The following ACAT1 variants were observed in gnomAD, a reference collection of about 807,000 sequenced individuals.
ACAT1 encodes the protein acetyl-CoA acetyltransferase 1.
Under a neutral mutation model 47.3 loss-of-function variants are expected in ACAT1, and 28 were observed. That is an observed-to-expected ratio of 0.59 (90% CI 0.44 to 0.81). The LOEUF (loss-of-function observed/expected upper bound fraction) is 0.81. Ranked by LOEUF, ACAT1 falls within the 30% of genes least tolerant of loss-of-function variation. The pLI is 0.00. For synonymous variants in ACAT1, 181 were observed against 173.6 expected, an observed-to-expected ratio of 1.04 and a Z score of -0.34; for missense variants, 469 against 524.3, an observed-to-expected ratio of 0.89 and a Z score of 1.03.
chr11:108,121,415 C>G (rs112600659), upstream of ACAT1: 2,921 of 659,658 alleles, frequency 4.4e-3, 47 homozygotes, highest in African/African-American at 0.04. Flanking sequence ...TCAACCTTTC[C>G]TGGCCCAGGC....
chr11:108,147,349 G>GGAGGAGGA lies in ACAT1; in HGVS notation c.1245_1252dup (p.Gly418GlufsTer9), dbSNP rs763847352. On this transcript the variant is annotated frameshift_variant, in exon 12 of 12. Transcript: ENST00000265838. LOFTEE classifies it high-confidence loss of function. ...ATACGGTCTTGCCAGTATTTGCAAT[G>GGAGGAGGA]GAGGAGGAGGTGCTTCTGCCATGCT... The GGAGGAGGA allele has an allele frequency of 6.2e-7, 1 of 1,613,934 alleles. No homozygotes were observed. Among genetic ancestry groups the GGAGGAGGA allele is most frequent in the Non-Finnish European group, 8.5e-7 (1 of 1,179,924 alleles).
chr11:108,122,062 T>A, intron 1 of ACAT1: 1 of 314,750 alleles, frequency 3.2e-6, no homozygotes, highest in Non-Finnish European at 5.9e-6. Flanking sequence ...TAAAACATAT[T>A]TGTGTGCGTT....
intron 1 of ACAT1, among the ~76,000 whole-genome samples, chr11:108,125,850 T>C (rs1298981205): frequency 3.3e-5 from 5 of 149,974 alleles, no homozygotes; most frequent in Non-Finnish European, 7.4e-5. Context: ...GGCGTGAACC[T>C]GGGAGGCGGA....
chr11:108,136,085 G>A, intron 5 of ACAT1: 1 of 700,350 alleles, frequency 1.4e-6, no homozygotes, highest in African/African-American at 1.8e-5. Context: ...GCAAGAGACA[G>A]GCTCCTTAGC....
At chr11:108,121,834 T>A in intron 1 of ACAT1, 156 bp downstream of exon 1, 1 of 755,454 alleles carries the variant, frequency 1.3e-6, no homozygotes, top group Non-Finnish European at 2.1e-6. Context: ...AAAAACCGCC[T>A]AAGTGCTCCG....
intron 7 of ACAT1, among the ~76,000 whole-genome samples, chr11:108,140,788 C>T (rs1168641450): frequency 2.0e-5 from 3 of 152,082 alleles, no homozygotes; most frequent in Non-Finnish European, 4.4e-5. Context: ...AATTCTATTC[C>T]AGGAATGATT....
rs1319217291 is a variant in ACAT1 at position 108,147,559 on chromosome 11, A to AAAAAT, written c.*173_*177dup. The AAAAAT allele has an allele frequency of 4.4e-6, 4 of 901,486 alleles. No homozygotes were observed. Among genetic ancestry groups the AAAAAT allele is most frequent in the Non-Finnish European group, 6.4e-6 (4 of 625,018 alleles). The allele number at this position is 901,486 out of a possible 1,614,324, so 55.8% of individuals were successfully genotyped here. On this transcript the variant is annotated 3_prime_UTR_variant, in exon 12 of 12. Coordinates refer to ENST00000265838, the MANE Select transcript of ACAT1 (RefSeq NM_000019.4). ...TGAAATCCCAAAACATTTTGAAATT[A>AAAAAT]AAAATAAATTTCTTCTTCTGCTTTT...
chr11:108,138,759 G>A, intron 5 of ACAT1, 139 bp from the exon 6 acceptor site: 2 of 955,352 alleles, frequency 2.1e-6, no homozygotes, highest in Non-Finnish European at 1.7e-6. Flanking sequence ...TGGTAAAGAG[G>A]GTACTTCCTG....
upstream of ACAT1, among the ~76,000 whole-genome samples, chr11:108,120,118 C>T (rs914500736): frequency 2.0e-5 from 3 of 152,006 alleles, no homozygotes; most frequent in African/African-American, 4.8e-5. Flanking sequence ...ACTCGTGAGG[C>T]TGAGGCGAAC....
chr11:108,119,006 A>G (rs1946534163), upstream of ACAT1, among the ~76,000 whole-genome samples: 1 of 152,206 alleles, frequency 6.6e-6, no homozygotes, highest in South Asian at 2.1e-4. Context: ...CTAGAAGCCT[A>G]GACCTAGCAA....
intron 10 of ACAT1, among the ~76,000 whole-genome samples, chr11:108,145,080 CT>C (rs1484752373): frequency 6.6e-6 from 1 of 151,968 alleles, no homozygotes; most frequent in Non-Finnish European, 1.5e-5. Context: ...CAAATTTCTT[CT>C]GTAAAGAAAA....
At chr11:108,146,742 T>TTA (rs947588812) in intron 11 of ACAT1, among the ~76,000 whole-genome samples, 13 of 152,296 alleles carry the variant, frequency 8.5e-5, no homozygotes, top group Middle Eastern at 6.8e-3. Flanking sequence ...CCCTCTTCCA[T>TTA]TATACTCTAC....
upstream of ACAT1, among the ~76,000 whole-genome samples, chr11:108,117,794 A>C (rs946513690): frequency 3.9e-5 from 6 of 152,280 alleles, no homozygotes; most frequent in East Asian, 9.6e-4. Context: ...AATGTTTTTA[A>C]TTTTCCACTA....
At chr11:108,120,965 C>A (rs531009688), upstream of ACAT1, among the ~76,000 whole-genome samples, 1 of 152,064 alleles carries the variant, frequency 6.6e-6, no homozygotes, top group Non-Finnish European at 1.5e-5. Flanking sequence ...CTTTGGGAGG[C>A]CGAGGAGGGA....
chr11:108,123,556 G>A (rs1035790277), intron 1 of ACAT1, among the ~76,000 whole-genome samples: 4 of 151,992 alleles, frequency 2.6e-5, no homozygotes, highest in African/African-American at 9.7e-5. Context: ...TTCTCTCTCT[G>A]GTCAAAGGAG....
intron 4 of ACAT1, 50 bp downstream of exon 4, chr11:108,134,366 C>A (rs752919968): frequency 6.8e-7 from 1 of 1,463,924 alleles, no homozygotes; most frequent in South Asian, 1.1e-5. Context: ...TAAAAGGGGC[C>A]GGGTGCGGTG....
At chr11:108,133,752 T>C (rs2077406469) in intron 2 of ACAT1, 68 bp from the exon 3 acceptor site, 14 of 1,264,070 alleles carry the variant, frequency 1.1e-5, no homozygotes, top group Non-Finnish European at 1.6e-5. Context: ...ATAATATATT[T>C]ATGTTTATTT....
intron 5 of ACAT1, among the ~76,000 whole-genome samples, chr11:108,137,926 A>G (rs890627974): frequency 1.3e-4 from 2 of 15,094 alleles, no homozygotes; most frequent in African/African-American, 5.6e-4. Context: ...CAGCCTGGGC[A>G]ACAGCGAGAC....
chr11:108,138,346 C>T (rs2077508553), intron 5 of ACAT1, among the ~76,000 whole-genome samples: 1 of 151,794 alleles, frequency 6.6e-6, no homozygotes, highest in Non-Finnish European at 1.5e-5. Context: ...CTTGCTGTCA[C>T]CCAGGCTGGA....
Sources: allele counts gnomAD v4.1 joint callset (sites outside exome capture counted in the v4.1 genomes callset), GRCh38; gene constraint gnomAD v4.1.1; transcripts MANE v1.5; gene names NCBI Gene and HGNC (gene_info 2026-07-23, HGNC 2026-07-21).